PRSS23: variants seen among roughly 807,000 people sequenced by gnomAD.
PRSS23 encodes serine protease 23, also known as protease, serine 23.
In PRSS23, 25 loss-of-function variants were observed where a neutral mutation model predicts 34.7. The observed-to-expected ratio is 0.72, with a 90% CI of 0.53 to 1.01. The LOEUF is 1.01. Among genes scored for constraint, PRSS23 ranks in the 50% least tolerant of loss-of-function variants. The pLI is 0.00. For synonymous variants in PRSS23, 176 were observed against 186.6 expected (o/e 0.94, Z 0.46); for missense variants, 445 against 475.6 (o/e 0.94, Z 0.60).
chr11:86,884,321 A>G (rs1311487547), intron 2 of PRSS23, among the ~76,000 whole-genome samples: 2 of 152,158 alleles, frequency 1.3e-5, no homozygotes, highest in African/African-American at 4.8e-5. Context: ...TTGTTTTGAG[A>G]CAGAGTCTCA....
At chr11:86,891,904 T>C (rs942149711) in intron 2 of PRSS23, among the ~76,000 whole-genome samples, 3 of 152,186 alleles carry the variant, frequency 2.0e-5, no homozygotes, top group Non-Finnish European at 4.4e-5. Flanking sequence ...CCTTCCACCA[T>C]GACTGGAAGT....
At chr11:86,845,072 G>T (rs1948476618) in intron 2 of PRSS23, among the ~76,000 whole-genome samples, 1 of 149,432 alleles carries the variant, frequency 6.7e-6, no homozygotes, top group Non-Finnish European at 1.5e-5. Flanking sequence ...TGGGTAACAA[G>T]AGTGAAACTC....
intron 2 of PRSS23, among the ~76,000 whole-genome samples, chr11:86,914,087 G>A (rs532158068): frequency 1.4e-4 from 21 of 149,416 alleles, no homozygotes; most frequent in African/African-American, 5.2e-4. Context: ...AGACACAGAC[G>A]TGGTGGCGTG....
At chr11:86,951,238 C>T in exon 3 of PRSS23, 1 of 1,614,170 alleles carries the variant, frequency 6.2e-7, no homozygotes, top group South Asian at 1.1e-5. Context: ...TGTTGGAACA[C>T]TTCTGCCACG....
intron 2 of PRSS23, chr11:86,932,814 C>T (rs1949135239): frequency 6.6e-6 from 1 of 152,234 alleles, no homozygotes. Flanking sequence ...CTCTTCTGAG[C>T]TGCAGTGGAC....
At chr11:86,934,549 A>C (rs1320876754) in intron 2 of PRSS23, 1 of 152,218 alleles carries the variant, frequency 6.6e-6, no homozygotes, top group Non-Finnish European at 1.5e-5. Flanking sequence ...TGGGTGGCTG[A>C]AAGGAGAAGT....
intron 2 of PRSS23, among the ~76,000 whole-genome samples, chr11:86,858,417 T>C (rs780816351): frequency 1.3e-5 from 2 of 151,180 alleles, no homozygotes; most frequent in African/African-American, 2.4e-5. Flanking sequence ...CCGATGGGGG[T>C]GCACACAACC....
chr11:86,807,300 C>A (rs778582878), intron 1 of PRSS23, among the ~76,000 whole-genome samples: 1 of 152,116 alleles, frequency 6.6e-6, no homozygotes, highest in Non-Finnish European at 1.5e-5. Context: ...CTCAAAATTA[C>A]GTGGAAATTG....
chr11:86,850,188 C>A (rs1021733523), intron 2 of PRSS23, among the ~76,000 whole-genome samples: 4 of 152,190 alleles, frequency 2.6e-5, no homozygotes, highest in Non-Finnish European at 5.9e-5. Flanking sequence ...AGGATCGAGG[C>A]CATCAAGCTA....
downstream of PRSS23, among the ~76,000 whole-genome samples, chr11:86,815,784 C>T (rs563881128): frequency 3.3e-5 from 5 of 152,284 alleles, no homozygotes; most frequent in South Asian, 2.1e-4. Context: ...TAGATCCTCT[C>T]CCACATCTCA....
At position 86,928,711 on chromosome 11, in the gene PRSS23, C is replaced by CCT. The variant is rs60774710; in HGVS notation, c.207-22505_207-22504insCT. Reference sequence around the variant, plus strand: ...AAAAAAAAAAAAAAAAAAAAATTGGCAAGACATATACAGCATATAATACAT... The same window carrying CCT: ...AAAAAAAAAAAAAAAAAAAAATTGGCCTAAGACATATACAGCATATAATACAT... On this transcript the variant is annotated intron_variant, in intron 2 of 2. Coordinates refer to the PRSS23 transcript ENST00000533902. 1.0e-4 allele frequency among the ~76,000 whole-genome samples: 6 copies of CCT among 58,058 alleles called. 1 individual carries two copies. Among genetic ancestry groups the CCT allele is most frequent in the Non-Finnish European group, 1.9e-4 (5 of 26,614 alleles). 38.1% of individuals were successfully genotyped at this position (58,058 alleles called of 152,430 possible). A position where few individuals can be genotyped will look rare whatever the true frequency, so the allele number is the denominator to read the frequency against.
intron 2 of PRSS23, among the ~76,000 whole-genome samples, chr11:86,928,225 TGTA>T (rs1949095441): frequency 1.4e-5 from 1 of 69,226 alleles, no homozygotes; most frequent in Admixed American, 1.5e-4. Flanking sequence ...TAAATATATA[TGTA>T]TTATATATAA....
chr11:86,928,137 T>C (rs1949094349), intron 2 of PRSS23, among the ~76,000 whole-genome samples: 1 of 148,438 alleles, frequency 6.7e-6, no homozygotes, highest in Admixed American at 6.8e-5. Flanking sequence ...TATTATATAC[T>C]TATAATACAT....
chr11:86,805,325 C>G (rs1948087803), intron 1 of PRSS23, among the ~76,000 whole-genome samples: 1 of 152,204 alleles, frequency 6.6e-6, no homozygotes, highest in South Asian at 2.1e-4. Flanking sequence ...GTCATCACCA[C>G]ACCCATTTCA....
intron 2 of PRSS23, among the ~76,000 whole-genome samples, chr11:86,916,374 T>C (rs1207816321): frequency 6.6e-6 from 1 of 152,146 alleles, no homozygotes; most frequent in Non-Finnish European, 1.5e-5. Context: ...TATCAGTGTA[T>C]TGTTCTTATT....
chr11:86,839,659 C>T (rs549662520), intron 2 of PRSS23, among the ~76,000 whole-genome samples: 1 of 151,892 alleles, frequency 6.6e-6, no homozygotes, highest in Non-Finnish European at 1.5e-5. Context: ...GTCAGATTCA[C>T]CAAGGTTGAA....
intron 2 of PRSS23, among the ~76,000 whole-genome samples, chr11:86,888,902 C>A (rs1028085576): frequency 3.3e-5 from 5 of 152,160 alleles, no homozygotes; most frequent in African/African-American, 1.2e-4. Context: ...CAAGTTTGCC[C>A]CTGGGAACTT....
chr11:86,931,100 G>A (rs1455968320), intron 2 of PRSS23, among the ~76,000 whole-genome samples: 2 of 152,168 alleles, frequency 1.3e-5, no homozygotes, highest in Admixed American at 6.5e-5. Flanking sequence ...GAGCCTATGA[G>A]GAGAAATGAC....
In PRSS23 at chr11:86,833,360, T is replaced by A. The variant is rs116142497; in HGVS notation, c.206+9767T>A. The A allele has an allele frequency of 2.8e-3, 2,395 of 845,020 alleles. 41 individuals carry two copies. In the African/African-American group the frequency reaches 0.036, roughly 13 times the overall value. 52.3% of individuals were successfully genotyped at this position (845,020 alleles called of 1,614,324 possible). On this transcript the variant is annotated intron_variant, in intron 2 of 2. Transcript: ENST00000533902. Reference sequence around the variant, plus strand: ...TTCTCCAGCACCATGACTAGGTACATGAACAGGAACAGCCCAGCGAGGGCC... The same window carrying A: ...TTCTCCAGCACCATGACTAGGTACAAGAACAGGAACAGCCCAGCGAGGGCC...
Sources: gnomAD v4.1 joint callset for allele counts (sites outside exome capture counted in the v4.1 genomes callset) on GRCh38, gnomAD v4.1.1 for gene constraint, MANE v1.5 for transcripts, NCBI Gene and HGNC (gene_info 2026-07-23, HGNC 2026-07-21) for gene names.